ARFGAP3: variants seen among roughly 807,000 people sequenced by gnomAD.
The protein encoded by ARFGAP3 is ARF GTPase activating protein 3, also known as ADP-ribosylation factor GTPase-activating protein 3.
A neutral mutation model predicts 75.0 loss-of-function variants in ARFGAP3; 72 were observed. That is an observed-to-expected ratio of 0.96 (90% CI 0.79 to 1.17). ARFGAP3 has a LOEUF of 1.17. Ranked by LOEUF, ARFGAP3 falls within the 50% of genes most tolerant of loss-of-function variation. ARFGAP3 has a pLI of 0.00. For missense variants in ARFGAP3, 620 were observed against 626.6 expected (o/e 0.99, Z 0.11); for synonymous variants, 221 against 217.9 (o/e 1.01, Z -0.13).
intron 2 of ARFGAP3, among the ~76,000 whole-genome samples, chr22:42,846,298 T>C (rs535656567): frequency 5.3e-5 from 8 of 152,220 alleles, no homozygotes; most frequent in African/African-American, 9.6e-5. Flanking sequence ...TCTGCACAAG[T>C]TGTCCTGGCA....
Position 42,837,675 on chromosome 22 carries a change from C to CTTTTTTTTTTTTTTTTTTTT in ARFGAP3, c.262-2202_262-2183dup, listed in dbSNP as rs71186547. Among the ~76,000 whole-genome samples, 127 of 75,666 alleles carry CTTTTTTTTTTTTTTTTTTTT rather than the reference C, an allele frequency of 1.7e-3. 25 individuals are homozygous for CTTTTTTTTTTTTTTTTTTTT. Among genetic ancestry groups the CTTTTTTTTTTTTTTTTTTTT allele is most frequent in the East Asian group, 9.2e-3 (15 of 1,632 alleles). 49.6% of individuals were successfully genotyped at this position (75,666 alleles called of 152,430 possible). On this transcript the variant is annotated intron_variant, in intron 3 of 15. Coordinates refer to ENST00000263245, the MANE Select transcript of ARFGAP3 (RefSeq NM_014570.5). ...GCCTTGAAACATCTAAGGCATACTT[C>CTTTTTTTTTTTTTTTTTTTT]TTTTTTTTTTTTTTTTTTTTTTGAG...
intron 3 of ARFGAP3, among the ~76,000 whole-genome samples, chr22:42,836,896 G>C (rs1424197333): frequency 6.6e-6 from 1 of 152,194 alleles, no homozygotes; most frequent in Admixed American, 6.5e-5. Context: ...TGGGTAGCAA[G>C]GGACAGAGTT....
chr22:42,825,966 C>T (rs1926020962), intron 7 of ARFGAP3, among the ~76,000 whole-genome samples: 2 of 152,094 alleles, frequency 1.3e-5, no homozygotes, highest in African/African-American at 2.4e-5. Flanking sequence ...TAGAGAATAA[C>T]GTCATTACAT....
chr22:42,821,930 A>G (rs1424222367), intron 9 of ARFGAP3, among the ~76,000 whole-genome samples: 2 of 152,198 alleles, frequency 1.3e-5, no homozygotes, highest in East Asian at 3.9e-4. Context: ...TTCCCTAGAG[A>G]GTACACAGTG....
chr22:42,810,207 C>T (rs1925302754), intron 12 of ARFGAP3, among the ~76,000 whole-genome samples: 1 of 152,054 alleles, frequency 6.6e-6, no homozygotes. Context: ...GTGGCTCACA[C>T]CTGTAATCCC....
chr22:42,857,268 G>C lies in ARFGAP3; in HGVS notation c.-86C>G. Reference sequence around the variant, plus strand: ...GCTACCGCCTCAGCAGGAGCGACGAGGCCGCGGGGGCGGGGCTGCGCGTAA... The same window carrying C: ...GCTACCGCCTCAGCAGGAGCGACGACGCCGCGGGGGCGGGGCTGCGCGTAA... On this transcript the variant is annotated 5_prime_UTR_variant, in exon 1 of 16. Coordinates refer to ENST00000263245, the MANE Select transcript of ARFGAP3 (RefSeq NM_014570.5). 3 of 1,463,410 alleles carry C rather than the reference G, an allele frequency of 2.1e-6. No homozygotes were observed. In the South Asian group the frequency reaches 3.9e-5, roughly 19 times the overall value. 90.7% of individuals were successfully genotyped at this position (1,463,410 alleles called of 1,614,324 possible).
intron 1 of ARFGAP3, 22 bp downstream of exon 1, chr22:42,857,092 C>T (rs1364289543): frequency 2.0e-6 from 3 of 1,502,192 alleles, no homozygotes; most frequent in Non-Finnish European, 2.7e-6. Flanking sequence ...CAGGCAGGCC[C>T]GCACTCGCCC....
intron 2 of ARFGAP3, among the ~76,000 whole-genome samples, chr22:42,844,907 T>C (rs1428388213): frequency 6.6e-6 from 1 of 152,238 alleles, no homozygotes; most frequent in Non-Finnish European, 1.5e-5. Flanking sequence ...TCTATTTATC[T>C]GACTTTTAAA....
chr22:42,821,715 C>T (rs1428919337), intron 9 of ARFGAP3, among the ~76,000 whole-genome samples: 1 of 152,078 alleles, frequency 6.6e-6, no homozygotes, highest in East Asian at 1.9e-4. Flanking sequence ...TGTGGTTGCA[C>T]AGATGTAAGT....
chr22:42,840,792 T>A, intron 3 of ARFGAP3, 152 bp downstream of exon 3: 1 of 760,912 alleles, frequency 1.3e-6, no homozygotes, highest in Non-Finnish European at 2.1e-6. Flanking sequence ...ACTCCTGGGC[T>A]CCAGTGATCC....
In ARFGAP3 at chr22:42,797,053, C is replaced by T. The variant is rs1043122880; in HGVS notation, c.*535G>A. ...TCATATAAAATAATTTACAAAGAGA[C>T]AGATGACTTCAAATATTATTTGGCA... On this transcript the variant is annotated 3_prime_UTR_variant, in exon 16 of 16. Coordinates refer to ENST00000263245, the MANE Select transcript of ARFGAP3 (RefSeq NM_014570.5). 6.6e-6 allele frequency: 1 copy of T among 152,344 alleles called. No homozygotes were observed. Among genetic ancestry groups the T allele is most frequent in the African/African-American group, 2.4e-5 (1 of 41,450 alleles). The allele number at this position is 152,344 out of a possible 1,614,324, so 9.4% of individuals were successfully genotyped here.
chr22:42,796,502 T>C lies in ARFGAP3; in HGVS notation c.*1086A>G, dbSNP rs1436608434. The C allele has an allele frequency of 2.0e-5, 3 of 152,228 alleles. No homozygotes were observed. Among genetic ancestry groups the C allele is most frequent in the African/African-American group, 7.2e-5 (3 of 41,428 alleles). The allele number at this position is 152,228 out of a possible 1,614,324, so 9.4% of individuals were successfully genotyped here. A position where few individuals can be genotyped will look rare whatever the true frequency, so the allele number is the denominator to read the frequency against. On this transcript the variant is annotated 3_prime_UTR_variant, in exon 16 of 16. Transcript: ENST00000263245. ...ACTTACGATGACTTATTACGAAAGCTTTCAGGGAAAAATGTAGGCAATGCC... is the reference window on the plus strand; with the variant it reads ...ACTTACGATGACTTATTACGAAAGCCTTCAGGGAAAAATGTAGGCAATGCC...
intron 3 of ARFGAP3, among the ~76,000 whole-genome samples, chr22:42,840,084 C>A (rs1487143765): frequency 1.3e-5 from 2 of 152,028 alleles, no homozygotes; most frequent in Non-Finnish European, 1.5e-5. Context: ...GTATGCACCA[C>A]CATGATTTGC....
chr22:42,796,586 T>G lies in ARFGAP3; in HGVS notation c.*1002A>C, dbSNP rs1823481863. ...TACAAATTTGAGCTTTTAAGAAAGATTCACAAAATATTCATTCAAAACCAC... is the reference window on the plus strand; with the variant it reads ...TACAAATTTGAGCTTTTAAGAAAGAGTCACAAAATATTCATTCAAAACCAC... On this transcript the variant is annotated 3_prime_UTR_variant, in exon 16 of 16. Transcript: ENST00000263245. The G allele has an allele frequency of 6.6e-6, 1 of 152,244 alleles. No individual in the cohort carries two copies. Among genetic ancestry groups the G allele is most frequent in the Admixed American group, 6.5e-5 (1 of 15,286 alleles). 9.4% of individuals were successfully genotyped at this position (152,244 alleles called of 1,614,324 possible).
At chr22:42,849,624 C>T (rs1927184285) in intron 1 of ARFGAP3, among the ~76,000 whole-genome samples, 1 of 150,370 alleles carries the variant, frequency 6.7e-6, no homozygotes, top group East Asian at 2.0e-4. Flanking sequence ...AGTGCAGTGG[C>T]ACGGTCCTAG....
At chr22:42,832,126 G>A (rs1390875101) in intron 5 of ARFGAP3, among the ~76,000 whole-genome samples, 2 of 148,092 alleles carry the variant, frequency 1.4e-5, no homozygotes, top group Non-Finnish European at 3.0e-5. Flanking sequence ...ACTATTGACT[G>A]TGACAATGCT....
chr22:42,845,927 A>G lies in ARFGAP3; in HGVS notation c.188+1587T>C, dbSNP rs559409340. ...GTGGCGCGCACTTGTAATCCCAGCT[A>G]CTTGGGAGGCTGAGGCAGGAGAATC... On this transcript the variant is annotated intron_variant, in intron 2 of 15. Coordinates refer to ENST00000263245, the MANE Select transcript of ARFGAP3 (RefSeq NM_014570.5). Among the ~76,000 whole-genome samples the G allele has an allele frequency of 2.0e-5, 3 of 151,458 alleles. No individual in the cohort carries two copies. The Middle Eastern group carries it at 0.01, about 519-fold the overall frequency.
chr22:42,819,539 CG>C (rs147216644), intron 9 of ARFGAP3, among the ~76,000 whole-genome samples: 1,603 of 152,244 alleles, frequency 0.011, 28 homozygotes, highest in African/African-American at 0.036. Flanking sequence ...GGAGTGCTTA[CG>C]GGTACTGGCT....
At chr22:42,812,257 C>T (rs1337758412) in intron 11 of ARFGAP3, among the ~76,000 whole-genome samples, 1 of 147,214 alleles carries the variant, frequency 6.8e-6, no homozygotes, top group Non-Finnish European at 1.5e-5. Flanking sequence ...AGGGACTGTG[C>T]CATGCCAGAA....
Sources: gnomAD v4.1 joint callset for allele counts (sites outside exome capture counted in the v4.1 genomes callset) on GRCh38, gnomAD v4.1.1 for gene constraint, MANE v1.5 for transcripts, NCBI Gene and HGNC (gene_info 2026-07-23, HGNC 2026-07-21) for gene names.